NME7: variants seen among roughly 807,000 people sequenced by gnomAD.
NME7 encodes the protein NME/NM23 family member 7.
A neutral mutation model predicts 49.1 loss-of-function variants in NME7; 41 were observed. The observed-to-expected ratio is 0.83, with a 90% CI of 0.65 to 1.08. NME7 has a LOEUF of 1.08. Ranked by LOEUF, NME7 falls within the 50% of genes least tolerant of loss-of-function variation. The probability of loss-of-function intolerance (pLI) is 0.00; values close to 1 mark genes in which losing one functional copy is unlikely to be tolerated. For synonymous variants in NME7, 139 were observed against 150.6 expected (o/e 0.92, Z 0.56); for missense variants, 423 against 463.4 (o/e 0.91, Z 0.80).
At chr1:169,366,883 G>GC (rs149083082) in intron 1 of NME7, among the ~76,000 whole-genome samples, 8,928 of 152,122 alleles carry the variant, frequency 0.059, 339 homozygotes, top group East Asian at 0.12. Flanking sequence ...GTGGGTGAGG[G>GC]CTCTGTTTCT....
intron 10 of NME7, among the ~76,000 whole-genome samples, chr1:169,187,340 TAG>T (rs1271522667): frequency 2.6e-5 from 4 of 152,102 alleles, no homozygotes; most frequent in Admixed American, 6.6e-5. Flanking sequence ...ATATTGAGAG[TAG>T]AGTGTTAAAG....
chr1:169,262,319 T>C (rs1164613180), intron 7 of NME7, among the ~76,000 whole-genome samples: 2 of 134,548 alleles, frequency 1.5e-5, no homozygotes, highest in African/African-American at 2.5e-5. Context: ...AAGCAAGGCA[T>C]AGCACAGAAG....
At chr1:169,305,056 C>G (rs773322634) in intron 4 of NME7, among the ~76,000 whole-genome samples, 20 of 152,162 alleles carry the variant, frequency 1.3e-4, no homozygotes, top group Non-Finnish European at 2.2e-4. Context: ...AGAAAAACCT[C>G]AATCCATTAC....
chr1:169,270,725 C>A (rs1397793550), intron 7 of NME7, among the ~76,000 whole-genome samples: 2 of 133,060 alleles, frequency 1.5e-5, no homozygotes, highest in East Asian at 4.0e-4. Context: ...GTCTAGAGCA[C>A]CTTCCATACA....
chr1:169,330,986 GACAATGACACATCAAAATAAATAA>G (rs913317753), intron 1 of NME7, among the ~76,000 whole-genome samples: 1 of 152,012 alleles, frequency 6.6e-6, no homozygotes, highest in African/African-American at 2.4e-5. Flanking sequence ...ACCAAAACCA[GACAATGACACATCAAAATAAATAA>G]ATAAATAAAA....
chr1:169,292,476 T>C (rs956501349), intron 6 of NME7, among the ~76,000 whole-genome samples: 4 of 152,108 alleles, frequency 2.6e-5, no homozygotes, highest in Non-Finnish European at 4.4e-5. Context: ...AGCTGAGTGT[T>C]AAAAGGCAAA....
intron 1 of NME7, among the ~76,000 whole-genome samples, chr1:169,335,811 T>G (rs965591949): frequency 2.7e-5 from 4 of 149,120 alleles, no homozygotes; most frequent in Non-Finnish European, 5.9e-5. Context: ...TACATATATA[T>G]AGAAAGAAAT....
rs72702157 is a variant in NME7 at position 169,361,122 on chromosome 1, C to T, written c.3+6586G>A. Among the ~76,000 whole-genome samples, 696 of 152,076 alleles carry T rather than the reference C, an allele frequency of 4.6e-3. 3 individuals carry two copies. The highest frequency in any genetic ancestry group is 7.5e-3 in the Non-Finnish European group (509 of 67,986). On this transcript the variant is annotated intron_variant, in intron 1 of 11. Transcript: ENST00000367811. ...ACCAGTTACCAGTATATGGAAAGTA[C>T]TCAATAAATACTTTCTCGAATAGAA...
chr1:169,206,872 C>CTT (rs35469833), intron 10 of NME7, among the ~76,000 whole-genome samples: 57,185 of 151,778 alleles, frequency 0.38, 11,452 homozygotes, highest in East Asian at 0.79. Context: ...ACTATATTAA[C>CTT]ACATAGCTAT....
At chr1:169,166,955 G>A (rs1181428610) in intron 11 of NME7, among the ~76,000 whole-genome samples, 1 of 152,218 alleles carries the variant, frequency 6.6e-6, no homozygotes, top group Non-Finnish European at 1.5e-5. Flanking sequence ...CTGGGCGACA[G>A]AGTGAGACTC....
rs769427295 is a variant in NME7 at position 169,273,754 on chromosome 1, TTCCAATTTCA to T, written c.754+13539_754+13548del. Among the ~76,000 whole-genome samples the T allele has an allele frequency of 1.6e-4, 20 of 123,764 alleles. 1 individual carries two copies. Among genetic ancestry groups the T allele is most frequent in the African/African-American group, 4.6e-4 (17 of 36,910 alleles). 81.2% of individuals were successfully genotyped at this position (123,764 alleles called of 152,430 possible). A position where few individuals can be genotyped will look rare whatever the true frequency, so the allele number is the denominator to read the frequency against. On this transcript the variant is annotated intron_variant, in intron 7 of 11. Transcript: ENST00000367811. The stretch of plus-strand genomic sequence containing the variant: ...GCGATAGTTTACTGAGAATGATGAT[TTCCAATTTCA>T]TCCATGTCCCTACAAAGGACATGAA...
intron 7 of NME7, among the ~76,000 whole-genome samples, chr1:169,281,055 C>T (rs12061069): frequency 0.062 from 9,446 of 152,122 alleles, 387 homozygotes; most frequent in East Asian, 0.12. Flanking sequence ...GCAATATGGC[C>T]ATTTTCGTGA....
intron 1 of NME7, among the ~76,000 whole-genome samples, chr1:169,354,325 T>C (rs986617368): frequency 3.9e-5 from 6 of 151,968 alleles, no homozygotes; most frequent in Non-Finnish European, 5.9e-5. Context: ...ACTTGTGAGA[T>C]GTGAAAATCA....
chr1:169,274,317 G>C (rs1379495003), intron 7 of NME7, among the ~76,000 whole-genome samples: 1 of 125,618 alleles, frequency 8.0e-6, no homozygotes, highest in East Asian at 2.0e-4. Flanking sequence ...GGGGTTGTTT[G>C]TTTTTTTCTT....
rs1412080050 is a variant in NME7, at chr1:169,257,477, T to G, written c.755-19790A>C. Among the ~76,000 whole-genome samples, 6 of 131,948 alleles carry G rather than the reference T, an allele frequency of 4.5e-5. 1 individual carries two copies. Among genetic ancestry groups the G allele is most frequent in the Non-Finnish European group, 1.1e-4 (6 of 56,544 alleles). The allele number at this position is 131,948 out of a possible 152,430, so 86.6% of individuals were successfully genotyped here. ...GCGCCCACTGTCTGGCACTCCCTAG[T>G]GAGATGAACCCAGTACCTCAGATGT... On this transcript the variant is annotated intron_variant, in intron 7 of 11. Transcript: ENST00000367811.
intron 10 of NME7, among the ~76,000 whole-genome samples, chr1:169,193,303 T>C (rs1184063682): frequency 6.6e-6 from 1 of 152,168 alleles, no homozygotes; most frequent in African/African-American, 2.4e-5. Context: ...CCAAAGTCTC[T>C]CTTTTTGTCC....
intron 10 of NME7, among the ~76,000 whole-genome samples, chr1:169,183,251 A>T (rs1401657704): frequency 6.6e-6 from 1 of 152,230 alleles, no homozygotes; most frequent in East Asian, 1.9e-4. Context: ...AGAACTACTT[A>T]ATCTTCTGGT....
At chr1:169,364,526 A>G (rs1410888103) in intron 1 of NME7, among the ~76,000 whole-genome samples, 2 of 151,302 alleles carry the variant, frequency 1.3e-5, no homozygotes, top group Non-Finnish European at 2.9e-5. Context: ...GACTACACAC[A>G]TATGCCACCG....
chr1:169,298,501 T>C (rs1650798857), intron 6 of NME7, 55 bp downstream of exon 6: 3 of 1,532,662 alleles, frequency 2.0e-6, no homozygotes, highest in Non-Finnish European at 2.7e-6. Context: ...TTTCCTTTGA[T>C]ATAAAACATT....
Sources: allele counts gnomAD v4.1 joint callset (sites outside exome capture counted in the v4.1 genomes callset), GRCh38; gene constraint gnomAD v4.1.1; transcripts MANE v1.5; gene names NCBI Gene and HGNC (gene_info 2026-07-23, HGNC 2026-07-21).